Variants in SLC25A31 observed in about 807,000 individuals in gnomAD.
The protein encoded by SLC25A31 is solute carrier family 25 member 31.
SLC25A31 carries 40 observed loss-of-function variants against 36.2 expected under a neutral mutation model. The observed-to-expected ratio is 1.10, with a 90% CI of 0.86 to 1.44. The LOEUF is 1.44. SLC25A31 is among the 40% of genes most tolerant of loss of function. The probability of loss-of-function intolerance (pLI) is 0.00; values close to 1 mark genes in which losing one functional copy is unlikely to be tolerated. For synonymous variants in SLC25A31, 143 were observed against 149.7 expected (o/e 0.96, Z 0.32); for missense variants, 350 against 397.1 (o/e 0.88, Z 1.01).
chr4:127,730,489 C>T lies in SLC25A31; in HGVS notation c.-57C>T. ...TTTCCGGTTTTCCGCTTCCCTTCATCGTAGCTCCCGTACTCATTTTTAGCC... is the reference window on the plus strand; with the variant it reads ...TTTCCGGTTTTCCGCTTCCCTTCATTGTAGCTCCCGTACTCATTTTTAGCC... On this transcript the variant is annotated 5_prime_UTR_variant, in exon 1 of 6. Transcript: ENST00000281154. The T allele has an allele frequency of 2.6e-6, 4 of 1,546,232 alleles. No individual in the cohort carries two copies. The highest frequency in any genetic ancestry group is 1.4e-5 in the African/African-American group (1 of 73,658).
chr4:127,739,732 T>C (rs1731698241), intron 1 of SLC25A31, among the ~76,000 whole-genome samples: 2 of 152,176 alleles, frequency 1.3e-5, no homozygotes, highest in Admixed American at 1.3e-4. Flanking sequence ...TAGGTTTGGC[T>C]GCTTTACATA....
At chr4:127,748,023 C>T (rs191114618) in intron 2 of SLC25A31, among the ~76,000 whole-genome samples, 22 of 152,272 alleles carry the variant, frequency 1.4e-4, no homozygotes, top group Admixed American at 2.6e-4. Context: ...GATGTGTTGC[C>T]ACAGTGAGCT....
chr4:127,766,683 G>A (rs1421112449), intron 3 of SLC25A31, among the ~76,000 whole-genome samples: 1 of 151,962 alleles, frequency 6.6e-6, no homozygotes, highest in Non-Finnish European at 1.5e-5. Context: ...GGCTGGTCTC[G>A]AACTCCTGGC....
intron 2 of SLC25A31, among the ~76,000 whole-genome samples, chr4:127,745,887 A>C (rs371991656): frequency 6.6e-6 from 1 of 152,118 alleles, no homozygotes; most frequent in Non-Finnish European, 1.5e-5. Context: ...TTTTTTGTAC[A>C]GATAATTTCA....
chr4:127,767,232 G>C lies in SLC25A31; in HGVS notation c.633+12G>C, dbSNP rs373384277. ...ATGACACAGTTAAGGTAATCTGGGG[G>C]CTTTAACTTGGACATATTAAATATA... On this transcript the variant is annotated intron_variant, in intron 4 of 5. Transcript: ENST00000281154. 2 of 1,537,594 alleles carry C rather than the reference G, an allele frequency of 1.3e-6. No individual in the cohort carries two copies. Among genetic ancestry groups the C allele is most frequent in the Non-Finnish European group, 1.7e-6 (2 of 1,143,418 alleles).
intron 1 of SLC25A31, among the ~76,000 whole-genome samples, chr4:127,742,454 CCA>C (rs1335247357): frequency 6.6e-6 from 1 of 152,132 alleles, no homozygotes; most frequent in Non-Finnish European, 1.5e-5. Context: ...TCTTGCTTTC[CCA>C]CACATAGTTA....
intron 2 of SLC25A31, among the ~76,000 whole-genome samples, chr4:127,755,445 A>G (rs769962070): frequency 1.4e-4 from 21 of 152,232 alleles, no homozygotes; most frequent in Non-Finnish European, 2.8e-4. Flanking sequence ...CTTTCATAAT[A>G]TAAAAACAAA....
At chr4:127,760,650 T>C (rs1277749299) in intron 2 of SLC25A31, among the ~76,000 whole-genome samples, 1 of 152,246 alleles carries the variant, frequency 6.6e-6, no homozygotes, top group African/African-American at 2.4e-5. Flanking sequence ...TCACACAGTA[T>C]CTGTCAACAA....
At chr4:127,768,622 C>G (rs1732291152) in intron 4 of SLC25A31, 130 bp from the exon 5 acceptor site, 1 of 713,044 alleles carries the variant, frequency 1.4e-6, no homozygotes, top group Non-Finnish European at 2.1e-6. Flanking sequence ...ACTATTAAAT[C>G]CAACATTTTT....
intron 5 of SLC25A31, among the ~76,000 whole-genome samples, chr4:127,771,351 T>C (rs1170328304): frequency 2.6e-5 from 4 of 152,180 alleles, no homozygotes; most frequent in African/African-American, 9.7e-5. Flanking sequence ...TATCTCCAAA[T>C]ACAGTCACAT....
chr4:127,758,533 A>G (rs1032560147), intron 2 of SLC25A31, among the ~76,000 whole-genome samples: 12 of 152,172 alleles, frequency 7.9e-5, no homozygotes, highest in African/African-American at 2.9e-4. Context: ...TAAGTCATCA[A>G]TTCTTTGCCA....
chr4:127,752,432 G>A (rs112762819), intron 2 of SLC25A31, among the ~76,000 whole-genome samples: 5 of 152,180 alleles, frequency 3.3e-5, no homozygotes, highest in South Asian at 2.1e-4. Flanking sequence ...GGTAGGGGGA[G>A]GGGGGAGGAT....
At chr4:127,738,178 C>G (rs1731668400) in intron 1 of SLC25A31, among the ~76,000 whole-genome samples, 1 of 152,200 alleles carries the variant, frequency 6.6e-6, no homozygotes, top group South Asian at 2.1e-4. Context: ...AAGCGATTCC[C>G]ACTCCGGATT....
intron 2 of SLC25A31, among the ~76,000 whole-genome samples, chr4:127,745,307 C>CT (rs11314285): frequency 1.1e-4 from 16 of 148,836 alleles, no homozygotes; most frequent in Admixed American, 2.7e-4. Flanking sequence ...TGCAAGGATA[C>CT]TTTTTTTTTT....
rs553653191 is a variant in SLC25A31 at position 127,766,434 on chromosome 4, G to A, written c.479-632G>A. ...ACCCACCTCAGCCTCCCAAAGTGCT[G>A]GGATTACAGGCATGAGGCACTGTGC... On this transcript the variant is annotated intron_variant, in intron 3 of 5. Coordinates refer to ENST00000281154, the MANE Select transcript of SLC25A31 (RefSeq NM_031291.4). 3.2e-4 allele frequency among the ~76,000 whole-genome samples: 49 copies of A among 151,542 alleles called. No homozygotes were observed. In the South Asian group the frequency reaches 9.7e-3, roughly 30 times the overall value.
At chr4:127,755,808 C>T (rs944220541) in intron 2 of SLC25A31, among the ~76,000 whole-genome samples, 4 of 152,178 alleles carry the variant, frequency 2.6e-5, no homozygotes, top group Non-Finnish European at 5.9e-5. Flanking sequence ...CCAAGGCGGG[C>T]GGATCACCTG....
chr4:127,733,830 A>G (rs940161569), intron 1 of SLC25A31, among the ~76,000 whole-genome samples: 3 of 152,138 alleles, frequency 2.0e-5, no homozygotes, highest in Non-Finnish European at 4.4e-5. Context: ...AGAATGCACA[A>G]CTAGATGCTC....
chr4:127,762,523 A>T (rs569455324), intron 2 of SLC25A31, among the ~76,000 whole-genome samples: 16 of 152,190 alleles, frequency 1.1e-4, no homozygotes, highest in Non-Finnish European at 2.4e-4. Flanking sequence ...AACTCTGTGA[A>T]TATATTAACA....
chr4:127,752,630 C>T lies in SLC25A31; in HGVS notation c.360+7831C>T, dbSNP rs1005397858. Among the ~76,000 whole-genome samples, 5 of 150,762 alleles carry T rather than the reference C, an allele frequency of 3.3e-5. No individual in the cohort carries two copies. In the East Asian group the frequency reaches 9.7e-4, roughly 29 times the overall value. ...AAAAGAGCAGAGGTGGCTATACTTA[C>T]ATCATACAAAATAGACTTTAAGTCA... On this transcript the variant is annotated intron_variant, in intron 2 of 5. Coordinates refer to ENST00000281154, the MANE Select transcript of SLC25A31 (RefSeq NM_031291.4).
Sources: allele counts gnomAD v4.1 joint callset (sites outside exome capture counted in the v4.1 genomes callset), GRCh38; gene constraint gnomAD v4.1.1; transcripts MANE v1.5; gene names NCBI Gene and HGNC (gene_info 2026-07-23, HGNC 2026-07-21).